Variants in FAT1 observed in about 807,000 individuals in gnomAD.
FAT1 encodes the protein protocadherin Fat 1.
Under a neutral mutation model 329.8 loss-of-function variants are expected in FAT1, and 171 were observed. That is an observed-to-expected ratio of 0.52 (90% confidence interval 0.46 to 0.59). The LOEUF (loss-of-function observed/expected upper bound fraction) is 0.59. FAT1 is among the 20% of genes least tolerant of loss of function. The pLI is 0.00. For synonymous variants in FAT1, 2,233 were observed against 2,228.6 expected, an observed-to-expected ratio of 1.00 and a Z score of -0.06; for missense variants, 5,672 against 5,774.4, an observed-to-expected ratio of 0.98 and a Z score of 0.57.
In FAT1 at chr4:186,604,535, C is replaced by T. The variant is rs775956789; in HGVS notation, c.10390G>A (p.Val3464Ile). 6.2e-7 allele frequency: 1 copy of T among 1,613,198 alleles called. No homozygotes were observed. The highest frequency in any genetic ancestry group is 8.5e-7 in the Non-Finnish European group (1 of 1,179,526). The part of the protein sequence containing the change: ...PVGFSVLQLV[V>I]TDEDSSHNGP... Reference sequence around the variant, plus strand: ...TTATGGGAAGAATCCTCATCTGTTACTACCAGCTGCAGCACGCTGAAGCCC... The same window carrying T: ...TTATGGGAAGAATCCTCATCTGTTATTACCAGCTGCAGCACGCTGAAGCCC... Residue 3464 changes from valine to isoleucine, a missense_variant, in exon 18 of 27, where the codon GTA becomes ATA. Val to Ile is a conservative substitution (Grantham distance 29, BLOSUM62 3). Around this residue, in one of 2 missense-constraint regions of FAT1, gnomAD observed 1,706 missense variants for 1,859.1 expected, o/e 0.92. Transcript: ENST00000441802.
intron 1 of FAT1, among the ~76,000 whole-genome samples, chr4:186,713,518 T>G (rs1397740436): frequency 6.6e-6 from 1 of 152,150 alleles, no homozygotes; most frequent in Non-Finnish European, 1.5e-5. Flanking sequence ...TCAGGTTACT[T>G]TCACCCCTCC....
Position 186,655,718 on chromosome 4 carries a change from C to T in FAT1, c.3580+7581G>A, listed in dbSNP as rs951770528. ...GAAGTGCTGGGATTACAGGCACGAG[C>T]CACCACACCCAGCCAAGGTGCTCTT... On this transcript the variant is annotated intron_variant, in intron 3 of 26. Coordinates refer to ENST00000441802, the MANE Select transcript of FAT1 (RefSeq NM_005245.4). 9.8e-5 allele frequency among the ~76,000 whole-genome samples: 15 copies of T among 152,288 alleles called. No individual in the cohort carries two copies. In the Middle Eastern group the frequency reaches 0.01, roughly 104 times the overall value.
rs527861870 is a variant in FAT1 at position 186,682,755 on chromosome 4, C to G, written c.3266-19142G>C. 2.6e-5 allele frequency among the ~76,000 whole-genome samples: 4 copies of G among 152,238 alleles called. No individual in the cohort carries two copies. The East Asian group carries it at 7.7e-4, about 29-fold the overall frequency. On this transcript the variant is annotated intron_variant, in intron 2 of 26. Transcript: ENST00000441802. ...GACATGGCCACTTAAAGAGGCAGCC[C>G]GGCAGATCAGAGGAGGATTTTCCTT...
intron 2 of FAT1, among the ~76,000 whole-genome samples, chr4:186,705,972 CA>C (rs1308899013): frequency 6.6e-6 from 1 of 152,128 alleles, no homozygotes. Flanking sequence ...CACCAATTAC[CA>C]ACTAGAAGAG....
At chr4:186,680,888 T>C (rs1489832414) in intron 2 of FAT1, among the ~76,000 whole-genome samples, 1 of 152,194 alleles carries the variant, frequency 6.6e-6, no homozygotes, top group Non-Finnish European at 1.5e-5. Flanking sequence ...TCGGCTTTTC[T>C]GATTGGTGAG....
At chr4:186,640,706 C>A (rs957845975) in intron 3 of FAT1, among the ~76,000 whole-genome samples, 10 of 152,276 alleles carry the variant, frequency 6.6e-5, no homozygotes, top group Admixed American at 3.9e-4. Context: ...TGAGTTTTGA[C>A]CTCTCTTGAG....
chr4:186,724,890 G>A (rs1745664629), upstream of FAT1, among the ~76,000 whole-genome samples: 1 of 152,236 alleles, frequency 6.6e-6, no homozygotes, highest in Non-Finnish European at 1.5e-5. The surrounding 1 kb of genome is among the most constrained non-coding windows in gnomAD (Gnocchi z 5.3). Context: ...GGAGCTTGGC[G>A]GGGAGGGGAA....
chr4:186,688,033 C>T (rs1743556266), intron 2 of FAT1, among the ~76,000 whole-genome samples: 1 of 149,956 alleles, frequency 6.7e-6, no homozygotes, highest in African/African-American at 2.5e-5. Context: ...CTATATACTG[C>T]CTTTTTATTG....
At position 186,613,214 on chromosome 4, in the gene FAT1, C is replaced by A. The variant is rs746965574; in HGVS notation, c.9358G>T (p.Asp3120Tyr). ...TCGGCAGAGAATTCGGGGGCGTTAT[C>A]GTTCACATCTTCTAGCGTGAGCACA... is the stretch of plus-strand genomic sequence containing the variant. ...SIVLTLEDVN[D>Y]NAPEFSADPY... The change falls in exon 13 of 27, where the codon GAT (aspartate) becomes TAT (tyrosine). Residue 3120 changes from aspartate to tyrosine, a missense_variant. By Grantham distance (160) the Asp-to-Tyr change is radical. Around this residue, in one of 2 missense-constraint regions of FAT1, gnomAD observed 3,966 missense variants for 3,915.2 expected, o/e 1.01. Transcript: ENST00000441802. The A allele has an allele frequency of 1.2e-6, 2 of 1,613,880 alleles. No homozygotes were observed. Among genetic ancestry groups the A allele is most frequent in the East Asian group, 2.2e-5 (1 of 44,878 alleles).
intron 2 of FAT1, among the ~76,000 whole-genome samples, chr4:186,686,630 G>A (rs532695017): frequency 2.0e-5 from 3 of 152,024 alleles, no homozygotes; most frequent in Non-Finnish European, 4.4e-5. Context: ...TTTCCCAACT[G>A]CATTGTGAAC....
intron 7 of FAT1, among the ~76,000 whole-genome samples, chr4:186,629,191 T>C (rs1000026243): frequency 1.3e-5 from 2 of 152,228 alleles, no homozygotes; most frequent in Non-Finnish European, 2.9e-5. Context: ...GACAGATGAT[T>C]ACACTATCCA....
chr4:186,591,825 C>T (rs1738252374), intron 26 of FAT1, among the ~76,000 whole-genome samples: 1 of 152,158 alleles, frequency 6.6e-6, no homozygotes, highest in South Asian at 2.1e-4. Context: ...TATCCTCCCT[C>T]CTCCTGAACC....
intron 22 of FAT1, among the ~76,000 whole-genome samples, chr4:186,599,688 G>A (rs1207068370): frequency 1.3e-5 from 2 of 152,160 alleles, no homozygotes; most frequent in African/African-American, 4.8e-5. Context: ...TCAGCAGTGG[G>A]AGCCGTGGTA....
At chr4:186,702,035 A>G (rs1372917240) in intron 2 of FAT1, among the ~76,000 whole-genome samples, 1 of 143,108 alleles carries the variant, frequency 7.0e-6, no homozygotes, top group Non-Finnish European at 1.5e-5. Flanking sequence ...CCAGGAGCCG[A>G]CCCCCACACA....
In FAT1 at chr4:186,648,612, G is replaced by A. The variant is rs564799255; in HGVS notation, c.3581-8829C>T. On this transcript the variant is annotated intron_variant, in intron 3 of 26. Coordinates refer to ENST00000441802, the MANE Select transcript of FAT1 (RefSeq NM_005245.4). ...CAAATCCTGTACCTTAAAACATGAG[G>A]AAATGAGGTCTAGGCATGTGGAATA... is the stretch of plus-strand genomic sequence containing the variant. 2.0e-5 allele frequency among the ~76,000 whole-genome samples: 3 copies of A among 152,270 alleles called. No individual in the cohort carries two copies. The East Asian group carries it at 5.8e-4, about 29-fold the overall frequency.
At chr4:186,628,117 T>C (rs751531960) in intron 9 of FAT1, 37 bp downstream of exon 9, 1 of 1,594,810 alleles carries the variant, frequency 6.3e-7, no homozygotes, top group Admixed American at 1.7e-5. Flanking sequence ...TTTTAACAAC[T>C]GCAAATTTAA....
intron 2 of FAT1, among the ~76,000 whole-genome samples, chr4:186,672,730 T>C (rs1168433898): frequency 2.6e-5 from 4 of 152,186 alleles, no homozygotes; most frequent in African/African-American, 7.2e-5. Flanking sequence ...ACACAGTCCA[T>C]TAGTGGGGAA....
intron 7 of FAT1, among the ~76,000 whole-genome samples, chr4:186,631,066 T>C (rs1327468779): frequency 6.6e-6 from 1 of 152,166 alleles, no homozygotes; most frequent in Non-Finnish European, 1.5e-5. Context: ...CTACCTCTGC[T>C]GGAGGCTGCC....
Position 186,620,746 on chromosome 4 carries a change from C to A in FAT1, c.5840G>T (p.Arg1947Leu), listed in dbSNP as rs765843504. The A allele has an allele frequency of 4.3e-6, 7 of 1,613,884 alleles. No individual in the cohort carries two copies. Among genetic ancestry groups the A allele is most frequent in the Non-Finnish European group, 5.9e-6 (7 of 1,179,896 alleles). The change falls in exon 10 of 27, where the codon CGC becomes CTC. Residue 1947 changes from arginine (R) to leucine (L), a missense_variant. By Grantham distance (102) the Arg-to-Leu change is moderately radical (BLOSUM62 -2). Transcript: ENST00000441802. ...TVQNTTQLRS[R>L]YELTVRASDG... ...GGAAGCTCTAACGGTTAGCTCGTAG[C>A]GGCTTCTTAACTGAGTTGTGTTTTG...
Sources: allele counts gnomAD v4.1 joint callset (sites outside exome capture counted in the v4.1 genomes callset), GRCh38; gene constraint gnomAD v4.1.1; regional missense constraint gnomAD v4.1.1; non-coding constraint Gnocchi (gnomAD v3.1); transcripts MANE v1.5; gene names NCBI Gene and HGNC (gene_info 2026-07-23, HGNC 2026-07-21).